The following MORN5 variants were observed in gnomAD, a reference collection of about 807,000 sequenced individuals.
MORN5 encodes the protein MORN repeat containing 5.
MORN5 carries 21 observed loss-of-function variants against 22.1 expected under a neutral mutation model. That is an observed-to-expected ratio of 0.95 (90% confidence interval 0.67 to 1.37). The LOEUF (loss-of-function observed/expected upper bound fraction) is 1.37, where lower values mean the gene tolerates loss of function less well. Among genes scored for constraint, MORN5 ranks in the 40% most tolerant of loss-of-function variants. MORN5 has a pLI of 0.00. For missense variants in MORN5, 211 were observed against 215.1 expected (o/e 0.98, Z 0.12); for synonymous variants, 73 against 74.0 (o/e 0.99, Z 0.07).
intron 3 of MORN5, among the ~76,000 whole-genome samples, chr9:122,174,085 G>A (rs10818643): frequency 1.3e-5 from 2 of 151,972 alleles, no homozygotes; most frequent in African/African-American, 4.8e-5. Flanking sequence ...TCCAGAGTGG[G>A]GCTTAAGGAT....
At chr9:122,178,642 C>A (rs1829490269) in intron 4 of MORN5, among the ~76,000 whole-genome samples, 1 of 152,184 alleles carries the variant, frequency 6.6e-6, no homozygotes, top group African/African-American at 2.4e-5. Flanking sequence ...AGTTAATATT[C>A]ATAAATTCCT....
intron 4 of MORN5, among the ~76,000 whole-genome samples, chr9:122,193,818 C>T (rs10985562): frequency 0.035 from 5,326 of 152,238 alleles, 131 homozygotes; most frequent in South Asian, 0.071. Context: ...CGAGCATGCA[C>T]GTGGACTACT....
chr9:122,198,265 A>G (rs1261176667), intron 4 of MORN5, among the ~76,000 whole-genome samples: 4 of 152,228 alleles, frequency 2.6e-5, no homozygotes, highest in African/African-American at 4.8e-5. Context: ...CACAAAAGGA[A>G]GGCATCCCTG....
Position 122,168,606 on chromosome 9 carries a change from C to T in MORN5, c.196-1039C>T, listed in dbSNP as rs73551375. Reference sequence around the variant, plus strand: ...GAATTTCCACCCGTGTTTCCTGATGCCCAGGCCAATGCAATTTCTACATCC... The same window carrying T: ...GAATTTCCACCCGTGTTTCCTGATGTCCAGGCCAATGCAATTTCTACATCC... On this transcript the variant is annotated intron_variant, in intron 2 of 4. Coordinates refer to ENST00000373764, the MANE Select transcript of MORN5 (RefSeq NM_198469.4). Among the ~76,000 whole-genome samples the T allele has an allele frequency of 8.7e-3, 1,324 of 152,288 alleles. 11 individuals carry two copies. The highest frequency in any genetic ancestry group is 0.031 in the Middle Eastern group (9 of 294).
rs760703082 is a variant in MORN5 at position 122,159,981 on chromosome 9, C to T, written c.9C>T (p.Tyr3=). Reference sequence around the variant, plus strand: ...AGCTAAAAACAGGCGCCATGGAGTACACAGGGAGCAAATATATCGGGGAAT... The same window carrying T: ...AGCTAAAAACAGGCGCCATGGAGTATACAGGGAGCAAATATATCGGGGAAT... ME[Y]TGSKYIGEYV... is the part of the protein sequence containing the mutation. The change falls in exon 1 of 5, where the codon TAC becomes TAT. Residue 3 remains tyrosine (Y), a synonymous_variant. Coordinates refer to ENST00000373764, the MANE Select transcript of MORN5 (RefSeq NM_198469.4). 6.2e-7 allele frequency: 1 copy of T among 1,614,020 alleles called. No individual in the cohort carries two copies. Among genetic ancestry groups the T allele is most frequent in the Non-Finnish European group, 8.5e-7 (1 of 1,179,974 alleles).
intron 4 of MORN5, among the ~76,000 whole-genome samples, chr9:122,188,601 G>C (rs1388868789): frequency 6.6e-6 from 1 of 152,258 alleles, no homozygotes; most frequent in Non-Finnish European, 1.5e-5. Context: ...AGGCTGTGGG[G>C]TCAGGCCAAC....
At chr9:122,192,084 G>A (rs974431467) in intron 4 of MORN5, among the ~76,000 whole-genome samples, 5 of 152,214 alleles carry the variant, frequency 3.3e-5, no homozygotes, top group Admixed American at 6.5e-5. Flanking sequence ...CTACAAAGAC[G>A]AGGAGGGTGG....
intron 4 of MORN5, among the ~76,000 whole-genome samples, chr9:122,176,855 G>T (rs1829459630): frequency 6.6e-6 from 1 of 152,174 alleles, no homozygotes; most frequent in Admixed American, 6.5e-5. Context: ...TCCAGCCCGG[G>T]TGATAGTGTG....
chr9:122,191,658 G>A (rs928168373), intron 4 of MORN5, among the ~76,000 whole-genome samples: 1 of 152,252 alleles, frequency 6.6e-6, no homozygotes, highest in Non-Finnish European at 1.5e-5. Context: ...GCATAGCAGC[G>A]GTGACCGCAG....
At chr9:122,160,384 C>G (rs1404762372) in intron 1 of MORN5, among the ~76,000 whole-genome samples, 1 of 152,056 alleles carries the variant, frequency 6.6e-6, no homozygotes, top group Non-Finnish European at 1.5e-5. Context: ...AAAACAAACA[C>G]GAAGATTAGG....
intron 4 of MORN5, among the ~76,000 whole-genome samples, chr9:122,184,746 A>G (rs556709231): frequency 3.3e-5 from 5 of 152,280 alleles, no homozygotes; most frequent in African/African-American, 1.2e-4. Context: ...TGTTATTCCC[A>G]CTTTACAGAT....
intron 4 of MORN5, among the ~76,000 whole-genome samples, chr9:122,193,409 A>G (rs1457914195): frequency 6.6e-6 from 1 of 152,140 alleles, no homozygotes; most frequent in Non-Finnish European, 1.5e-5. Context: ...ACATGGTGAA[A>G]TCCCATCTCT....
At chr9:122,185,154 C>G (rs1829597992) in intron 4 of MORN5, among the ~76,000 whole-genome samples, 1 of 152,060 alleles carries the variant, frequency 6.6e-6, no homozygotes, top group Non-Finnish European at 1.5e-5. Flanking sequence ...CTCCTGGGTT[C>G]ACGCCATTCT....
rs1286548426 is a variant in MORN5 at position 122,174,648 on chromosome 9, C to T, written c.439+21C>T. ...CGCAGGTAGGTTTCTTCCGACACTGCAGCACGTTTTCTCTTCACCCACATA... is the reference window on the plus strand; with the variant it reads ...CGCAGGTAGGTTTCTTCCGACACTGTAGCACGTTTTCTCTTCACCCACATA... On this transcript the variant is annotated intron_variant, in intron 4 of 4. Coordinates refer to ENST00000373764, the MANE Select transcript of MORN5 (RefSeq NM_198469.4). The T allele has an allele frequency of 5.0e-6, 8 of 1,613,896 alleles. No individual in the cohort carries two copies. In the South Asian group the frequency reaches 8.8e-5, roughly 18 times the overall value.
chr9:122,188,547 G>A (rs1829689597), intron 4 of MORN5, among the ~76,000 whole-genome samples: 2 of 152,242 alleles, frequency 1.3e-5, no homozygotes, highest in Non-Finnish European at 2.9e-5. Flanking sequence ...TCGTCCACTT[G>A]CAGCCAGGGA....
chr9:122,164,479 C>T, intron 1 of MORN5: 1 of 749,784 alleles, frequency 1.3e-6, no homozygotes, highest in Non-Finnish European at 1.6e-6. Context: ...AGATGGCTTA[C>T]AGCCCCAGCC....
intron 1 of MORN5, 38 bp from the exon 2 acceptor site, chr9:122,166,730 G>A: frequency 1.3e-6 from 2 of 1,591,808 alleles, no homozygotes; most frequent in Non-Finnish European, 1.7e-6. Context: ...TCCTCCAGCT[G>A]TCACACAGGG....
intron 4 of MORN5, among the ~76,000 whole-genome samples, chr9:122,177,481 G>T (rs1829470140): frequency 6.6e-6 from 1 of 152,128 alleles, no homozygotes; most frequent in South Asian, 2.1e-4. Context: ...TGCCCAGCTG[G>T]GAGTAAAATG....
intron 4 of MORN5, among the ~76,000 whole-genome samples, chr9:122,193,488 G>A (rs1440949524): frequency 6.6e-6 from 1 of 152,230 alleles, no homozygotes; most frequent in African/African-American, 2.4e-5. Flanking sequence ...AGGAGACTGA[G>A]GCAGGAGAAT....
Sources: gnomAD v4.1 joint callset for allele counts (sites outside exome capture counted in the v4.1 genomes callset) on GRCh38, gnomAD v4.1.1 for gene constraint, MANE v1.5 for transcripts, NCBI Gene and HGNC (gene_info 2026-07-23, HGNC 2026-07-21) for gene names.